SYNRG: variants seen among roughly 807,000 people sequenced by gnomAD.
The protein encoded by SYNRG is AP1 gamma subunit binding protein 1.
A neutral mutation model predicts 130.9 loss-of-function variants in SYNRG; 37 were observed. That is an observed-to-expected ratio of 0.28 (90% CI 0.22 to 0.37). The LOEUF is 0.37. Ranked by LOEUF, SYNRG falls within the 10% of genes least tolerant of loss-of-function variation. The pLI is 1.00. For missense variants in SYNRG, 1,338 were observed against 1,588.9 expected (o/e 0.84, Z 2.68); for synonymous variants, 539 against 568.1 (o/e 0.95, Z 0.73).
chr17:37,606,251 G>C (rs2063739371), intron 1 of SYNRG, among the ~76,000 whole-genome samples: 1 of 152,132 alleles, frequency 6.6e-6, no homozygotes, highest in African/African-American at 2.4e-5. Flanking sequence ...ACGATCTCTT[G>C]ACCGCTTCCT....
At position 37,553,787 on chromosome 17, in the gene SYNRG, G is replaced by A. The variant is rs779877667; in HGVS notation, c.1936C>T (p.Pro646Ser). Residue 646 changes from proline (P) to serine (S), a missense_variant, in exon 14 of 22, where the codon CCA (proline) becomes TCA (serine). This residue lies in a region of SYNRG where 1,146 missense variants were observed against 1,342.3 expected (regional missense o/e 0.85). Transcript: ENST00000612223. ...VFSTSKSVST[P>S]QSTGSAATMT... ...GTAGCAGCAGAACCTGTTGACTGTG[G>A]TGTAGAAACTGATTTTGATGTGCTA... 1.2e-6 allele frequency: 2 copies of A among 1,612,592 alleles called. No homozygotes were observed. Among genetic ancestry groups the A allele is most frequent in the South Asian group, 2.2e-5 (2 of 90,676 alleles).
intron 19 of SYNRG, among the ~76,000 whole-genome samples, chr17:37,521,258 G>C (rs1264635479): frequency 1.3e-5 from 2 of 152,050 alleles, no homozygotes; most frequent in Non-Finnish European, 2.9e-5. Flanking sequence ...TTGAACTCCT[G>C]ATTGCAGGTG....
intron 19 of SYNRG, among the ~76,000 whole-genome samples, chr17:37,521,328 C>T (rs935881015): frequency 1.3e-5 from 2 of 152,070 alleles, no homozygotes; most frequent in Non-Finnish European, 2.9e-5. Context: ...CCGTGCCTGG[C>T]CTGCTTCCTA....
chr17:37,529,538 CAAAAAAA>C (rs3049513), intron 19 of SYNRG, among the ~76,000 whole-genome samples: 14,522 of 124,748 alleles, frequency 0.12, 825 homozygotes, highest in Middle Eastern at 0.16. Flanking sequence ...ATATATTTTA[CAAAAAAA>C]AAAAAAAAAA....
chr17:37,539,605 G>A (rs571558307), intron 16 of SYNRG, among the ~76,000 whole-genome samples: 30 of 152,248 alleles, frequency 2.0e-4, no homozygotes, highest in African/African-American at 6.5e-4. Flanking sequence ...TCCTGAGCTC[G>A]AGTGATCTGC....
At chr17:37,536,350 C>T (rs2057193026) in intron 18 of SYNRG, 1 of 545,106 alleles carries the variant, frequency 1.8e-6, no homozygotes, top group East Asian at 3.1e-5. Flanking sequence ...CCAGCTATGC[C>T]TCTTACTGGC....
At chr17:37,577,347 A>G in intron 7 of SYNRG, 33 bp downstream of exon 7, 1 of 1,598,376 alleles carries the variant, frequency 6.3e-7, no homozygotes, top group Non-Finnish European at 8.6e-7. Context: ...ATTTGGTTAA[A>G]CAAGTTTTTT....
At chr17:37,605,418 C>T (rs768458257) in intron 1 of SYNRG, among the ~76,000 whole-genome samples, 3 of 152,166 alleles carry the variant, frequency 2.0e-5, no homozygotes, top group Non-Finnish European at 4.4e-5. Context: ...TCCTTTACCC[C>T]CTGTCTGGTT....
intron 18 of SYNRG, chr17:37,536,949 C>G (rs2057246850): frequency 6.6e-6 from 1 of 152,222 alleles, no homozygotes; most frequent in Non-Finnish European, 1.5e-5. Context: ...CCTCAGCAGC[C>G]CTGTGTCAGC....
chr17:37,544,987 G>C (rs1333680113), intron 14 of SYNRG, among the ~76,000 whole-genome samples: 3 of 151,884 alleles, frequency 2.0e-5, no homozygotes, highest in Non-Finnish European at 4.4e-5. Context: ...TGGGAGGCTG[G>C]GGCAGGTGGA....
chr17:37,601,471 T>G (rs370644632), intron 1 of SYNRG, among the ~76,000 whole-genome samples: 1 of 152,154 alleles, frequency 6.6e-6, no homozygotes, highest in Non-Finnish European at 1.5e-5. Flanking sequence ...ATTCTATCAT[T>G]TTTAACCATT....
intron 8 of SYNRG, among the ~76,000 whole-genome samples, chr17:37,572,467 T>C (rs2060507367): frequency 6.6e-6 from 1 of 151,724 alleles, no homozygotes; most frequent in Non-Finnish European, 1.5e-5. Context: ...GATATTCAAG[T>C]GGAAATGTCC....
At chr17:37,571,128 A>T (rs541548486) in intron 9 of SYNRG, among the ~76,000 whole-genome samples, 2 of 152,228 alleles carry the variant, frequency 1.3e-5, no homozygotes, top group Non-Finnish European at 2.9e-5. Flanking sequence ...GGTTAATTCT[A>T]TATGATCAAA....
At chr17:37,535,188 GTCCAA>G (rs1408721169) in intron 19 of SYNRG, among the ~76,000 whole-genome samples, 1 of 151,938 alleles carries the variant, frequency 6.6e-6, no homozygotes, top group Non-Finnish European at 1.5e-5. Context: ...GGTCAGAAGA[GTCCAA>G]TCCGTTTATA....
chr17:37,540,292 C>A, intron 16 of SYNRG, 88 bp downstream of exon 16: 1 of 1,478,090 alleles, frequency 6.8e-7, no homozygotes, highest in Non-Finnish European at 9.2e-7. Context: ...CCTCATTTTC[C>A]CCATGTGAAA....
At chr17:37,547,584 C>T (rs1568344034) in intron 14 of SYNRG, among the ~76,000 whole-genome samples, 1 of 151,956 alleles carries the variant, frequency 6.6e-6, no homozygotes, top group South Asian at 2.1e-4. Context: ...TGCCTCAGCC[C>T]CCCGAGTAGC....
At chr17:37,591,124 G>A (rs1347203059) in intron 3 of SYNRG, among the ~76,000 whole-genome samples, 1 of 152,192 alleles carries the variant, frequency 6.6e-6, no homozygotes, top group Non-Finnish European at 1.5e-5. Flanking sequence ...AATGAGTTCA[G>A]TAAGGTTGAA....
intron 19 of SYNRG, among the ~76,000 whole-genome samples, chr17:37,522,606 T>A (rs991902962): frequency 2.7e-5 from 4 of 149,710 alleles, no homozygotes; most frequent in African/African-American, 9.8e-5. Flanking sequence ...TAGCTGGGAC[T>A]ACAGGTGTGC....
At chr17:37,568,517 A>G (rs751303080) in intron 11 of SYNRG, 8 of 313,138 alleles carry the variant, frequency 2.6e-5, no homozygotes, top group Admixed American at 4.5e-5. Context: ...ATCACTGCAC[A>G]GGTGATCTTA....
Sources: allele counts gnomAD v4.1 joint callset (sites outside exome capture counted in the v4.1 genomes callset), GRCh38; gene constraint gnomAD v4.1.1; regional missense constraint gnomAD v4.1.1; transcripts MANE v1.5; gene names NCBI Gene and HGNC (gene_info 2026-07-23, HGNC 2026-07-21).